The following DUX4 variants were observed in gnomAD, a reference collection of about 807,000 sequenced individuals.
DUX4 encodes the protein double homeobox protein 4.
chr4:190,178,587 GT>G (rs1742435769), downstream of DUX4, among the ~76,000 whole-genome samples: 5 of 145,624 alleles, frequency 3.4e-5, no homozygotes, highest in African/African-American at 1.2e-4. Context: ...GTAGACAAGA[GT>G]TACATCACTT....
downstream of DUX4, among the ~76,000 whole-genome samples, chr4:190,179,785 CCCTGTAGGCAAGCCTACACAAGTA>C (rs1742511828): frequency 4.4e-5 from 1 of 22,590 alleles, no homozygotes; most frequent in African/African-American, 2.2e-4. Flanking sequence ...GTCAAAATGC[CCCTGTAGGCAAGCCTACACAAGTA>C]TTACATCACT....
chr4:190,182,471 T>C (rs1474328473), intron 1 of DUX4, among the ~76,000 whole-genome samples: 1 of 5,836 alleles, frequency 1.7e-4, no homozygotes, highest in African/African-American at 3.3e-4. Context: ...CAGTTGGGGT[T>C]AGGGTTAGGT....
intron 1 of DUX4, among the ~76,000 whole-genome samples, chr4:190,183,807 C>G (rs1742634283): frequency 8.5e-6 from 1 of 117,382 alleles, no homozygotes; most frequent in Non-Finnish European, 2.0e-5. Flanking sequence ...TGCTCACCAG[C>G]TGGTTACTGC....
chr4:190,177,163 A>ATAAATGTTACATCACCTGGGTGT (rs1742346232), downstream of DUX4, among the ~76,000 whole-genome samples: 1 of 113,642 alleles, frequency 8.8e-6, no homozygotes. Context: ...CATCACCTAG[A>ATAAATGTTACATCACCTGGGTGT]TGATCTGTGC....
chr4:190,177,971 A>C (rs1579833559), downstream of DUX4, among the ~76,000 whole-genome samples: 51 of 150,928 alleles, frequency 3.4e-4, no homozygotes, highest in Admixed American at 6.0e-4. Context: ...GACAAGAGTT[A>C]CATCACCTGG....
downstream of DUX4, among the ~76,000 whole-genome samples, chr4:190,179,517 TGTAGGCAGA>T (rs1742500899): frequency 2.2e-5 from 3 of 135,706 alleles, no homozygotes. Flanking sequence ...ACAAGCCCCC[TGTAGGCAGA>T]GCCTAGACAA....
At chr4:190,181,216 A>ACAAGGCCG (rs1742552586) in intron 1 of DUX4, among the ~76,000 whole-genome samples, 1 of 151,576 alleles carries the variant, frequency 6.6e-6, no homozygotes, top group African/African-American at 2.4e-5. Flanking sequence ...GAGATATGTC[A>ACAAGGCCG]CATTGCCCCC....
At chr4:190,183,778 A>T (rs1428698393) in intron 1 of DUX4, among the ~76,000 whole-genome samples, 1 of 116,846 alleles carries the variant, frequency 8.6e-6, no homozygotes, top group African/African-American at 2.6e-5. Context: ...TACAGATTTG[A>T]TTCTGATGTA....
At chr4:190,179,090 A>T (rs1211489821), downstream of DUX4, among the ~76,000 whole-genome samples, 151 of 7,792 alleles carry the variant, frequency 0.019, no homozygotes, top group South Asian at 0.031. Context: ...CAGTGCAGAG[A>T]TATGTCACAA....
At chr4:190,176,355 A>T (rs1457935441), downstream of DUX4, among the ~76,000 whole-genome samples, 38 of 114,314 alleles carry the variant, frequency 3.3e-4, 12 homozygotes, top group Non-Finnish European at 6.8e-4. Context: ...ATCAGTGCAG[A>T]GATGTGTCAA....
downstream of DUX4, among the ~76,000 whole-genome samples, chr4:190,176,464 G>T (rs1352609346): frequency 1.0e-4 from 11 of 109,970 alleles, 4 homozygotes; most frequent in Admixed American, 7.9e-4. Context: ...CTAGACAAGT[G>T]TTACATCACC....
downstream of DUX4, among the ~76,000 whole-genome samples, chr4:190,179,465 A>ATT (rs1742495283): frequency 6.7e-6 from 1 of 150,346 alleles, no homozygotes; most frequent in Admixed American, 6.6e-5. Flanking sequence ...CAGATCCTAG[A>ATT]GAAGAGTTAT....
At chr4:190,183,928 C>A (rs1378211318) in intron 1 of DUX4, among the ~76,000 whole-genome samples, 2 of 119,654 alleles carry the variant, frequency 1.7e-5, no homozygotes, top group South Asian at 3.0e-4. Flanking sequence ...CAAGCTTAGG[C>A]AGATTTGGTG....
downstream of DUX4, among the ~76,000 whole-genome samples, chr4:190,178,704 G>GTCCGAACTTAGATGTGTCAGT (rs1742444814): frequency 6.7e-6 from 1 of 149,700 alleles, no homozygotes; most frequent in African/African-American, 2.4e-5. Flanking sequence ...AGCTCCTGTA[G>GTCCGAACTTAGATGTGTCAGT]GCAGAGCTTA....
At chr4:190,175,886 A>C (rs1742281680), downstream of DUX4, 2 of 134,502 alleles carry the variant, frequency 1.5e-5, 1 homozygote, top group Non-Finnish European at 3.1e-5. Context: ...GAGATATGTC[A>C]CAATATCCCC....
intron 1 of DUX4, among the ~76,000 whole-genome samples, chr4:190,182,382 G>A (rs1285467559): frequency 1.7e-5 from 1 of 58,398 alleles, no homozygotes; most frequent in African/African-American, 3.7e-5. Context: ...TAGGGTTAGG[G>A]TTACTGGTTA....
downstream of DUX4, among the ~76,000 whole-genome samples, chr4:190,176,126 C>T (rs1246859627): frequency 2.8e-5 from 3 of 108,256 alleles, no homozygotes; most frequent in South Asian, 3.3e-4. Context: ...GGCAAGTGTT[C>T]CCTCCCTGGG....
At chr4:190,176,894 A>T (rs1224588642), downstream of DUX4, among the ~76,000 whole-genome samples, 2 of 135,008 alleles carry the variant, frequency 1.5e-5, no homozygotes, top group Admixed American at 8.2e-5. Flanking sequence ...CTAGGTGATC[A>T]GTGCAGTGAT....
At chr4:190,181,132 AGTGC>A (rs1742547455) in intron 1 of DUX4, among the ~76,000 whole-genome samples, 1 of 109,792 alleles carries the variant, frequency 9.1e-6, no homozygotes, top group Non-Finnish European at 2.1e-5. Flanking sequence ...CTGAGTGATC[AGTGC>A]AGAGATCTGT....
Sources: allele counts gnomAD v4.1 joint callset (sites outside exome capture counted in the v4.1 genomes callset), GRCh38; gene constraint gnomAD v4.1.1; transcripts MANE v1.5; gene names NCBI Gene and HGNC (gene_info 2026-07-23, HGNC 2026-07-21).